The following SLC9A9 variants were observed in gnomAD, a reference collection of about 807,000 sequenced individuals.
The protein encoded by SLC9A9 is sodium/hydrogen exchanger 9.
A neutral mutation model predicts 77.8 loss-of-function variants in SLC9A9; 62 were observed. That is an observed-to-expected ratio of 0.80 (90% CI 0.65 to 0.98). The LOEUF is 0.98. SLC9A9 is among the 50% of genes least tolerant of loss of function. The pLI, the probability that SLC9A9 is intolerant of heterozygous loss-of-function variation, is 0.00. For missense variants in SLC9A9, 775 were observed against 774.9 expected, an observed-to-expected ratio of 1.00 and a Z score of 0.00; for synonymous variants, 320 against 283.5, an observed-to-expected ratio of 1.13 and a Z score of -1.29.
chr3:143,842,623 A>G (rs1389771849), intron 1 of SLC9A9, among the ~76,000 whole-genome samples: 1 of 152,248 alleles, frequency 6.6e-6, no homozygotes, highest in Non-Finnish European at 1.5e-5. Flanking sequence ...AAATTAAACC[A>G]GAGCTACTCT....
At chr3:143,659,011 A>G (rs916372789) in intron 5 of SLC9A9, among the ~76,000 whole-genome samples, 1 of 152,144 alleles carries the variant, frequency 6.6e-6, no homozygotes, top group African/African-American at 2.4e-5. Context: ...CAAAGATTCA[A>G]TTTTCTCACC....
chr3:143,703,600 C>T (rs1040812991), intron 4 of SLC9A9, among the ~76,000 whole-genome samples: 3 of 151,762 alleles, frequency 2.0e-5, no homozygotes, highest in African/African-American at 4.8e-5. Flanking sequence ...CTAAAAGTGC[C>T]TATATCAAGG....
intron 4 of SLC9A9, among the ~76,000 whole-genome samples, chr3:143,741,812 A>T (rs189665242): frequency 1.1e-4 from 17 of 152,260 alleles, no homozygotes; most frequent in African/African-American, 4.1e-4. Flanking sequence ...ACAGTGAAAG[A>T]GATCTAACTT....
intron 14 of SLC9A9, among the ~76,000 whole-genome samples, chr3:143,280,722 T>C (rs1315156521): frequency 1.3e-5 from 2 of 151,874 alleles, no homozygotes; most frequent in African/African-American, 4.9e-5. Context: ...AGCTAATTTT[T>C]GTATTTTTTT....
intron 12 of SLC9A9, among the ~76,000 whole-genome samples, chr3:143,450,112 A>T (rs1036149562): frequency 1.6e-5 from 2 of 123,210 alleles, no homozygotes; most frequent in Non-Finnish European, 3.2e-5. Context: ...TATACATATT[A>T]TATTATATAT....
intron 14 of SLC9A9, among the ~76,000 whole-genome samples, chr3:143,334,852 C>T (rs2031876720): frequency 6.6e-6 from 1 of 151,902 alleles, no homozygotes; most frequent in African/African-American, 2.4e-5. Context: ...AGAAAACTTT[C>T]CAAATAAAAT....
At chr3:143,847,449 C>T (rs946705446) in intron 1 of SLC9A9, 1 of 152,188 alleles carries the variant, frequency 6.6e-6, no homozygotes, top group Admixed American at 6.5e-5. Flanking sequence ...AAGAGCAATA[C>T]TGCAGGTGTT....
At chr3:143,685,370 T>C (rs1237662794) in intron 5 of SLC9A9, among the ~76,000 whole-genome samples, 3 of 152,104 alleles carry the variant, frequency 2.0e-5, no homozygotes, top group Non-Finnish European at 4.4e-5. Flanking sequence ...TCATGTCGGA[T>C]ACAGCAACTC....
chr3:143,319,845 A>G (rs892469016), intron 14 of SLC9A9, among the ~76,000 whole-genome samples: 11 of 152,202 alleles, frequency 7.2e-5, no homozygotes, highest in African/African-American at 2.7e-4. Context: ...AGAGAAAGTC[A>G]AGGTCTGGTG....
At chr3:143,656,433 G>T (rs1297849917) in intron 5 of SLC9A9, among the ~76,000 whole-genome samples, 1 of 151,944 alleles carries the variant, frequency 6.6e-6, no homozygotes, top group Admixed American at 6.6e-5. Flanking sequence ...TTAGATGTTT[G>T]ACAATTTTTT....
chr3:143,640,476 T>G (rs1477208819), intron 6 of SLC9A9, among the ~76,000 whole-genome samples: 1 of 152,148 alleles, frequency 6.6e-6, no homozygotes, highest in East Asian at 1.9e-4. Context: ...AGATAACATT[T>G]CAAACAAGGG....
At chr3:143,844,664 T>C (rs1387137203) in intron 1 of SLC9A9, among the ~76,000 whole-genome samples, 1 of 152,188 alleles carries the variant, frequency 6.6e-6, no homozygotes, top group Non-Finnish European at 1.5e-5. Context: ...TACTCTCAAA[T>C]GTTCACTTCC....
chr3:143,463,223 A>G (rs2108566064), intron 12 of SLC9A9, among the ~76,000 whole-genome samples: 1 of 152,318 alleles, frequency 6.6e-6, no homozygotes, highest in East Asian at 1.9e-4. Flanking sequence ...TGATTCAGAT[A>G]TTGTGAAGAG....
At chr3:143,800,104 T>C (rs554675034) in intron 2 of SLC9A9, among the ~76,000 whole-genome samples, 20 of 152,288 alleles carry the variant, frequency 1.3e-4, no homozygotes, top group African/African-American at 4.6e-4. Context: ...GCTACAGCCA[T>C]ACCTCATTGC....
At chr3:143,346,100 G>A (rs1020569763) in intron 14 of SLC9A9, among the ~76,000 whole-genome samples, 3 of 152,010 alleles carry the variant, frequency 2.0e-5, no homozygotes, top group African/African-American at 7.2e-5. Context: ...TTCGTAGGAG[G>A]GCCCAAGCAC....
intron 14 of SLC9A9, among the ~76,000 whole-genome samples, chr3:143,287,747 C>G (rs865857089): frequency 3.9e-5 from 6 of 152,188 alleles, no homozygotes; most frequent in African/African-American, 1.4e-4. Flanking sequence ...AGAATTGTTA[C>G]ACCTACAGAC....
intron 12 of SLC9A9, among the ~76,000 whole-genome samples, chr3:143,458,777 A>C (rs1381979409): frequency 6.6e-6 from 1 of 152,110 alleles, no homozygotes; most frequent in Non-Finnish European, 1.5e-5. Context: ...TTCAATAACC[A>C]TACATATTTT....
chr3:143,847,782 C>T (rs1019603550), intron 1 of SLC9A9: 12 of 251,238 alleles, frequency 4.8e-5, no homozygotes, highest in African/African-American at 2.7e-4. Context: ...TCGTAATGTT[C>T]ATCGGTGCAG....
intron 14 of SLC9A9, among the ~76,000 whole-genome samples, chr3:143,301,861 T>C (rs376304874): frequency 2.6e-5 from 4 of 152,308 alleles, no homozygotes; most frequent in African/African-American, 9.6e-5. Flanking sequence ...GTGTGCAAAA[T>C]ACTAGTTGTA....
Sources: allele counts gnomAD v4.1 joint callset (sites outside exome capture counted in the v4.1 genomes callset), GRCh38; gene constraint gnomAD v4.1.1; transcripts MANE v1.5; gene names NCBI Gene and HGNC (gene_info 2026-07-23, HGNC 2026-07-21).